The following TRPC5 variants were observed in gnomAD, a reference collection of about 807,000 sequenced individuals.
TRPC5 encodes short transient receptor potential channel 5.
A neutral mutation model predicts 56.5 loss-of-function variants in TRPC5; 9 were observed. That is an observed-to-expected ratio of 0.16 (90% confidence interval 0.10 to 0.28). The LOEUF is 0.28. Among genes scored for constraint, TRPC5 ranks in the 10% least tolerant of loss-of-function variants. TRPC5 has a pLI of 1.00. For synonymous variants in TRPC5, 282 were observed against 278.5 expected, an observed-to-expected ratio of 1.01 and a Z score of -0.13; for missense variants, 469 against 748.9, an observed-to-expected ratio of 0.63 and a Z score of 4.36.
At chrX:112,071,727 A>G (rs1930724665) in intron 1 of TRPC5, among the ~76,000 whole-genome samples, 1 of 112,079 alleles carries the variant, frequency 8.9e-6, no homozygotes, top group Non-Finnish European at 1.9e-5. Context: ...GATTTTTTCC[A>G]GGCATTAAAA....
intron 3 of TRPC5, among the ~76,000 whole-genome samples, chrX:111,855,532 G>T (rs183840771): frequency 2.7e-5 from 3 of 111,862 alleles, no homozygotes; most frequent in African/African-American, 9.7e-5. Flanking sequence ...TTTCTGTTGT[G>T]TTTGAGCCAT....
At chrX:111,944,309 AGAG>A (rs1926874637) in intron 2 of TRPC5, among the ~76,000 whole-genome samples, 4 of 81,163 alleles carry the variant, frequency 4.9e-5, no homozygotes, top group African/African-American at 1.9e-4. Context: ...TGTGTGAGAG[AGAG>A]AGAGAGAGAG....
chrX:111,904,447 G>T (rs1219278594), intron 3 of TRPC5, among the ~76,000 whole-genome samples: 1 of 111,856 alleles, frequency 8.9e-6, no homozygotes, highest in Non-Finnish European at 1.9e-5. Context: ...GGAATACTAT[G>T]CAGCCATAAA....
In TRPC5 at chrX:111,772,819, G is replaced by C. The variant is rs1945850876; in HGVS notation, c.*3494C>G. ...TGATGATTTAACAAACCAAGGTCTG[G>C]GGCACTAAAACTATTAGTCAAAACA... is the stretch of plus-strand genomic sequence containing the variant. On this transcript the variant is annotated 3_prime_UTR_variant, in exon 11 of 11. Coordinates refer to ENST00000262839, the MANE Select transcript of TRPC5 (RefSeq NM_012471.3). Among the ~76,000 whole-genome samples, 1 of 110,439 alleles carries C rather than the reference G, an allele frequency of 9.1e-6. No homozygotes were observed. Among genetic ancestry groups the C allele is most frequent in the Admixed American group, 9.8e-5 (1 of 10,244 alleles).
At chrX:111,978,104 C>T (rs1235287022) in intron 1 of TRPC5, among the ~76,000 whole-genome samples, 2 of 111,853 alleles carry the variant, frequency 1.8e-5, no homozygotes, top group African/African-American at 6.5e-5. Context: ...TCCACCAATC[C>T]CACTTTTGTG....
intron 1 of TRPC5, among the ~76,000 whole-genome samples, chrX:112,035,664 C>A (rs1388797926): frequency 9.1e-6 from 1 of 109,316 alleles, no homozygotes; most frequent in African/African-American, 3.3e-5. Context: ...TGGAGTCTCG[C>A]TCTGTCACCC....
In TRPC5 at chrX:112,078,849, A is replaced by G. The variant is rs915189348; in HGVS notation, c.-22+3030T>C. ...AGTATGGCTCTGCTGGTCTCACTGGACAAAGTTTGAGGGGCCCATCAACAG... is the reference window on the plus strand; with the variant it reads ...AGTATGGCTCTGCTGGTCTCACTGGGCAAAGTTTGAGGGGCCCATCAACAG... On this transcript the variant is annotated intron_variant, in intron 1 of 10. Coordinates refer to ENST00000262839, the MANE Select transcript of TRPC5 (RefSeq NM_012471.3). Among the ~76,000 whole-genome samples, 4 of 111,755 alleles carry G rather than the reference A, an allele frequency of 3.6e-5. No individual in the cohort carries two copies. In the Admixed American group the frequency reaches 3.8e-4, roughly 11 times the overall value.
At chrX:112,026,623 C>T (rs138313660) in intron 1 of TRPC5, among the ~76,000 whole-genome samples, 1,202 of 111,351 alleles carry the variant, frequency 0.011, 8 homozygotes, top group South Asian at 0.038. Flanking sequence ...AAAATTCTAC[C>T]AAAAAGTACG....
In TRPC5 at chrX:111,768,539, T is replaced by C. The variant is rs1945826256; in HGVS notation, c.*7774A>G. Among the ~76,000 whole-genome samples the C allele has an allele frequency of 8.9e-6, 1 of 112,108 alleles. No individual in the cohort carries two copies. Among genetic ancestry groups the C allele is most frequent in the South Asian group, 3.7e-4 (1 of 2,720 alleles). On this transcript the variant is annotated 3_prime_UTR_variant, in exon 11 of 11. Coordinates refer to ENST00000262839, the MANE Select transcript of TRPC5 (RefSeq NM_012471.3). ...GTACCTCTGGTGTGCATTCCTATTA[T>C]AAGAAACAAACTAAAATGTATTTGC...
At chrX:111,792,640 T>C (rs1365290723) in intron 7 of TRPC5, among the ~76,000 whole-genome samples, 1 of 111,337 alleles carries the variant, frequency 9.0e-6, no homozygotes, top group African/African-American at 3.3e-5. Flanking sequence ...AGAATTTGTG[T>C]TTTCATCCTC....
At chrX:111,968,784 G>A (rs767654912) in intron 1 of TRPC5, among the ~76,000 whole-genome samples, 95 of 88,602 alleles carry the variant, frequency 1.1e-3, no homozygotes, top group African/African-American at 3.4e-3. Flanking sequence ...ATGAGAACAC[G>A]TGGACACAGG....
chrX:112,014,767 A>G (rs1929078424), intron 1 of TRPC5, among the ~76,000 whole-genome samples: 1 of 111,828 alleles, frequency 8.9e-6, no homozygotes, highest in South Asian at 3.7e-4. Context: ...TTATAACTGA[A>G]AAGGTAAAAG....
intron 2 of TRPC5, among the ~76,000 whole-genome samples, chrX:111,934,374 T>A (rs1182192279): frequency 9.1e-6 from 1 of 110,395 alleles, no homozygotes; most frequent in Non-Finnish European, 1.9e-5. Flanking sequence ...ATTTGTGGGG[T>A]ACATGAGATA....
intron 1 of TRPC5, among the ~76,000 whole-genome samples, chrX:112,010,327 A>G (rs986498931): frequency 3.6e-5 from 4 of 112,159 alleles, no homozygotes; most frequent in African/African-American, 1.3e-4. Flanking sequence ...AAGTTACTTC[A>G]TCTTTCTCTG....
At chrX:111,794,590 A>G (rs1946046339) in intron 7 of TRPC5, among the ~76,000 whole-genome samples, 1 of 111,831 alleles carries the variant, frequency 8.9e-6, no homozygotes, top group Non-Finnish European at 1.9e-5. Flanking sequence ...TTGGGCTGCT[A>G]TAACAAAATA....
At chrX:111,915,054 G>A (rs6567994) in intron 2 of TRPC5, among the ~76,000 whole-genome samples, 31,307 of 107,495 alleles carry the variant, frequency 0.29, 6,063 homozygotes, top group African/African-American at 0.71. Flanking sequence ...CTCTTTCCTC[G>A]CTCTCTTTCT....
At chrX:111,802,862 T>G (rs1268089980) in intron 7 of TRPC5, among the ~76,000 whole-genome samples, 1 of 111,391 alleles carries the variant, frequency 9.0e-6, no homozygotes, top group African/African-American at 3.3e-5. Context: ...ATTCATTTAT[T>G]TATGTATTTT....
At chrX:112,013,306 A>T in intron 1 of TRPC5, among the ~76,000 whole-genome samples, 1 of 111,468 alleles carries the variant, frequency 9.0e-6, no homozygotes, top group Non-Finnish European at 1.9e-5. Flanking sequence ...GTGCGCCACC[A>T]TGCCCAGCTA....
At chrX:111,969,834 T>C (rs960078496) in intron 1 of TRPC5, among the ~76,000 whole-genome samples, 1 of 110,943 alleles carries the variant, frequency 9.0e-6, no homozygotes, top group Non-Finnish European at 1.9e-5. Flanking sequence ...CTTGATCTTA[T>C]AGGCATTGAA....
Sources: allele counts gnomAD v4.1 joint callset (sites outside exome capture counted in the v4.1 genomes callset), GRCh38; gene constraint gnomAD v4.1.1; transcripts MANE v1.5; gene names NCBI Gene and HGNC (gene_info 2026-07-23, HGNC 2026-07-21).